Variants in SULT1A1 observed in about 807,000 individuals in gnomAD.
SULT1A1 encodes sulfotransferase family 1A member 1.
In SULT1A1, 35 loss-of-function variants were observed where a neutral mutation model predicts 36.8. That is an observed-to-expected ratio of 0.95 (90% CI 0.73 to 1.26). The LOEUF (loss-of-function observed/expected upper bound fraction) is 1.26. Among genes scored for constraint, SULT1A1 ranks in the 50% most tolerant of loss-of-function variants. The probability of loss-of-function intolerance (pLI) is 0.00; values close to 1 mark genes in which losing one functional copy is unlikely to be tolerated. For synonymous variants in SULT1A1, 119 were observed against 146.0 expected (o/e 0.82, Z 1.33); for missense variants, 309 against 383.0 (o/e 0.81, Z 1.61).
intron 2 of SULT1A1, among the ~76,000 whole-genome samples, chr16:28,618,427 C>G (rs1454906581): frequency 1.4e-5 from 2 of 138,650 alleles, no homozygotes; most frequent in African/African-American, 2.7e-5. Flanking sequence ...CTTAGTGCAA[C>G]CTCCGCCTTC....
Position 28,606,789 on chromosome 16 carries a change from A to G in SULT1A1, c.566T>C (p.Leu189Pro), listed in dbSNP as rs1306113228. The G allele has an allele frequency of 2.5e-6, 4 of 1,612,352 alleles. No homozygotes were observed. Among genetic ancestry groups the G allele is most frequent in the Non-Finnish European group, 2.5e-6 (3 of 1,178,690 alleles). The part of the protein sequence containing the change: ...WWELSRTHPV[L>P]YLFYEDMKEN... Reference sequence around the variant, plus strand: ...CTTCATGTCTTCATAGAAGAGGTAGAGAACAGGGTGGGTGCGGCTCAGCTC... The same window carrying G: ...CTTCATGTCTTCATAGAAGAGGTAGGGAACAGGGTGGGTGCGGCTCAGCTC... The change falls in exon 6 of 8, where the codon CTC becomes CCC. Residue 189 changes from leucine to proline, a missense_variant. Leu to Pro is a moderately conservative substitution (Grantham distance 98, BLOSUM62 -3). Around this residue, in one of 3 missense-constraint regions of SULT1A1, gnomAD observed 219 missense variants for 215.3 expected, o/e 1.02. Transcript: ENST00000314752.
At position 28,610,036 on chromosome 16, in the gene SULT1A1, G is replaced by A. The variant is rs1199119035; in HGVS notation, c.-110C>T. 1.6e-6 allele frequency: 2 copies of A among 1,285,862 alleles called. No homozygotes were observed. Among genetic ancestry groups the A allele is most frequent in the Non-Finnish European group, 2.0e-6 (2 of 986,730 alleles). 79.7% of individuals were successfully genotyped at this position (1,285,862 alleles called of 1,614,324 possible). A position where few individuals can be genotyped will look rare whatever the true frequency, so the allele number is the denominator to read the frequency against. ...GTTCTCTGAGCTGAGGGTTTCCTAG[G>A]TCCACTGTGGGAGGGATCTGGAGCC... On this transcript the variant is annotated 5_prime_UTR_variant, in exon 1 of 8. Transcript: ENST00000314752.
intron 2 of SULT1A1, among the ~76,000 whole-genome samples, chr16:28,617,481 G>T (rs572631186): frequency 2.0e-5 from 3 of 151,822 alleles, no homozygotes; most frequent in Admixed American, 6.6e-5. Context: ...GTTTTATATG[G>T]TTTTTTGGGT....
intron 6 of SULT1A1, 126 bp downstream of exon 6, chr16:28,606,635 G>T (rs1227070620): frequency 9.0e-6 from 13 of 1,441,438 alleles, no homozygotes; most frequent in Admixed American, 2.2e-5. Flanking sequence ...GGCCAAGAAG[G>T]CAGGATGGGG....
chr16:28,621,755 A>T (rs1288990880), intron 1 of SULT1A1, among the ~76,000 whole-genome samples: 2 of 151,994 alleles, frequency 1.3e-5, no homozygotes, highest in East Asian at 1.9e-4. Flanking sequence ...CAGGCTTAAG[A>T]CCCATAGAGA....
chr16:28,619,728 T>A (rs917072131), intron 2 of SULT1A1, among the ~76,000 whole-genome samples: 2 of 57,354 alleles, frequency 3.5e-5, no homozygotes, highest in African/African-American at 1.0e-4. Flanking sequence ...TCAAAAAAAA[T>A]TTTATTAAAA....
chr16:28,608,837 T>C lies in SULT1A1; in HGVS notation c.19A>G (p.Thr7Ala), dbSNP rs755149416. Reference protein sequence around the residue: MELIQDTSRPPLEYVKG... With the variant: MELIQDASRPPLEYVKG... ...ACGTACTCCAGTGGCGGGCGGGAGGTGTCCTGGATCAGCTCCATGTTCCTG... is the reference window on the plus strand; with the variant it reads ...ACGTACTCCAGTGGCGGGCGGGAGGCGTCCTGGATCAGCTCCATGTTCCTG... Residue 7 changes from threonine to alanine, a missense_variant, in exon 2 of 8, where the codon ACC becomes GCC. Coordinates refer to ENST00000314752, the MANE Select transcript of SULT1A1 (RefSeq NM_001055.4). 1 of 1,611,308 alleles carries C rather than the reference T, an allele frequency of 6.2e-7. No homozygotes were observed. Among genetic ancestry groups the C allele is most frequent in the Non-Finnish European group, 8.5e-7 (1 of 1,179,370 alleles).
rs1042157 is a variant in SULT1A1, at chr16:28,605,736, G to C, written c.*85C>G. The C allele has an allele frequency of 1.9e-6, 3 of 1,587,204 alleles. No individual in the cohort carries two copies. Among genetic ancestry groups the C allele is most frequent in the Non-Finnish European group, 2.6e-6 (3 of 1,164,512 alleles). On this transcript the variant is annotated 3_prime_UTR_variant, in exon 8 of 8. Transcript: ENST00000314752. Reference sequence around the variant, plus strand: ...GATTACAGACATGACCTACCGTCCCGGGCCCTCAATTCATATTTTATTCTT... The same window carrying C: ...GATTACAGACATGACCTACCGTCCCCGGCCCTCAATTCATATTTTATTCTT...
intron 1 of SULT1A1, 140 bp downstream of exon 1, chr16:28,609,791 A>G: frequency 1.1e-6 from 1 of 948,842 alleles, no homozygotes; most frequent in Non-Finnish European, 1.4e-6. Context: ...AGGGAGGGGG[A>G]TTCACGCAGG....
intron 4 of SULT1A1, chr16:28,607,512 A>G (rs1231994827): frequency 5.7e-6 from 1 of 176,274 alleles, no homozygotes; most frequent in Non-Finnish European, 1.2e-5. Context: ...TTCCCAGAAG[A>G]ACAGGACCAA....
At chr16:28,617,526 A>G (rs1596651956) in intron 2 of SULT1A1, among the ~76,000 whole-genome samples, 1 of 151,472 alleles carries the variant, frequency 6.6e-6, no homozygotes, top group African/African-American at 2.4e-5. Flanking sequence ...CACCTGGAAG[A>G]CAGTTTCTTT....
intron 1 of SULT1A1, among the ~76,000 whole-genome samples, chr16:28,620,936 C>T (rs1356378305): frequency 6.6e-6 from 1 of 151,882 alleles, no homozygotes; most frequent in Non-Finnish European, 1.5e-5. Flanking sequence ...CACGGAGAAA[C>T]CCCGTCTCTA....
At chr16:28,609,700 G>A (rs542290227) in intron 1 of SULT1A1, 4 of 450,084 alleles carry the variant, frequency 8.9e-6, no homozygotes, top group South Asian at 6.3e-5. Context: ...CAAGGCTGCA[G>A]TGGCCAGGAT....
At chr16:28,608,651 C>T (rs761184803) in intron 2 of SULT1A1, 48 bp from the exon 3 acceptor site, 15 of 1,611,172 alleles carry the variant, frequency 9.3e-6, no homozygotes, top group Non-Finnish European at 1.2e-5. Context: ...GGCACGACCT[C>T]GCTGGCCAAG....
chr16:28,611,205 G>C (rs568639554), upstream of SULT1A1: 1 of 152,158 alleles, frequency 6.6e-6, no homozygotes, highest in South Asian at 2.1e-4. Flanking sequence ...GAAAAGAGGC[G>C]AGAATGTGAG....
upstream of SULT1A1, chr16:28,610,254 T>TTTTTTTC: frequency 8.4e-7 from 1 of 1,191,450 alleles, no homozygotes; most frequent in Non-Finnish European, 1.1e-6. Flanking sequence ...TTTGTAGGTT[T>TTTTTTTC]TTTTTTTCTG....
chr16:28,607,197 C>T, intron 4 of SULT1A1, 120 bp from the exon 5 acceptor site: 1 of 1,531,676 alleles, frequency 6.5e-7, no homozygotes, highest in Non-Finnish European at 8.8e-7. Flanking sequence ...TTTGAGATCT[C>T]ACGGCACCGG....
exon 1 of SULT1A1, chr16:28,623,265 T>G: frequency 6.5e-7 from 1 of 1,544,188 alleles, no homozygotes; most frequent in Non-Finnish European, 8.7e-7. Flanking sequence ...GAAGTTGGCG[T>G]GGAAGGTCAC....
At chr16:28,617,395 T>C (rs756671257) in intron 2 of SULT1A1, among the ~76,000 whole-genome samples, 42 of 152,216 alleles carry the variant, frequency 2.8e-4, no homozygotes, top group Non-Finnish European at 5.0e-4. Flanking sequence ...GCATTTCTCA[T>C]CGAACTCTAG....
Sources: allele counts gnomAD v4.1 joint callset (sites outside exome capture counted in the v4.1 genomes callset), GRCh38; gene constraint gnomAD v4.1.1; regional missense constraint gnomAD v4.1.1; transcripts MANE v1.5; gene names NCBI Gene and HGNC (gene_info 2026-07-23, HGNC 2026-07-21).